USP54: variants seen among roughly 807,000 people sequenced by gnomAD.
The protein encoded by USP54 is ubiquitin specific peptidase 54, also known as ubiquitin carboxyl-terminal hydrolase 54.
USP54 carries 87 observed loss-of-function variants against 170.5 expected under a neutral mutation model. The ratio of observed to expected loss-of-function variants is 0.51; its 90% CI spans 0.43 to 0.61. The LOEUF is 0.61. USP54 is among the 20% of genes least tolerant of loss of function. The pLI, the probability that USP54 is intolerant of heterozygous loss-of-function variation, is 0.00. For missense variants in USP54, 1,786 were observed against 2,047.8 expected (o/e 0.87, Z 2.47); for synonymous variants, 655 against 742.8 (o/e 0.88, Z 1.92).
intron 22 of USP54, among the ~76,000 whole-genome samples, chr10:73,502,332 G>C (rs377476887): frequency 1.3e-5 from 2 of 151,418 alleles, no homozygotes; most frequent in African/African-American, 4.8e-5. Context: ...TTTTTGAGAC[G>C]GAGTCTCGCT....
chr10:73,545,785 C>T, intron 4 of USP54, 113 bp from the exon 5 acceptor site: 1 of 1,269,846 alleles, frequency 7.9e-7, no homozygotes, highest in Non-Finnish European at 1.1e-6. Flanking sequence ...ACCAAATGTG[C>T]TTCCCATGGG....
intron 1 of USP54, among the ~76,000 whole-genome samples, chr10:73,601,568 C>A (rs2079170577): frequency 6.6e-6 from 1 of 151,974 alleles, no homozygotes; most frequent in African/African-American, 2.4e-5. Flanking sequence ...CTGCTTCTCC[C>A]AGCTGCAGGA....
At chr10:73,613,546 A>G (rs1444332050) in intron 1 of USP54, among the ~76,000 whole-genome samples, 3 of 152,138 alleles carry the variant, frequency 2.0e-5, no homozygotes, top group Non-Finnish European at 4.4e-5. Context: ...CATATGCCAA[A>G]ACAGAGATAG....
intron 4 of USP54, among the ~76,000 whole-genome samples, chr10:73,549,291 C>T (rs1173174409): frequency 1.3e-5 from 2 of 152,188 alleles, no homozygotes; most frequent in African/African-American, 4.8e-5. Context: ...CAAAATTACA[C>T]TAACAGCCCA....
At chr10:73,576,767 A>C (rs1233463112) in intron 1 of USP54, among the ~76,000 whole-genome samples, 4 of 152,248 alleles carry the variant, frequency 2.6e-5, no homozygotes, top group Non-Finnish European at 5.9e-5. Context: ...TTTTCCATGA[A>C]TATGCTTATG....
At chr10:73,582,538 T>C (rs1394665307) in intron 1 of USP54, among the ~76,000 whole-genome samples, 2 of 152,088 alleles carry the variant, frequency 1.3e-5, no homozygotes, top group East Asian at 3.9e-4. Flanking sequence ...ATTACAGGCA[T>C]GCGCCACCAT....
rs1311713324 is a variant in USP54, at chr10:73,576,334, G to A, written c.-554C>T. ...AGCAAGTCTCTCCTCTTTCTTCTGG[G>A]ACTAGAATAGCCAGCTGTGTCAGAG... On this transcript the variant is annotated 5_prime_UTR_variant, in exon 2 of 24. Transcript: ENST00000687698. 2 of 151,936 alleles carry A rather than the reference G, an allele frequency of 1.3e-5. No individual in the cohort carries two copies. Among genetic ancestry groups the A allele is most frequent in the Non-Finnish European group, 2.9e-5 (2 of 68,016 alleles). 9.4% of individuals were successfully genotyped at this position (151,936 alleles called of 1,614,324 possible).
intron 1 of USP54, chr10:73,613,905 G>T (rs778686357): frequency 6.6e-6 from 1 of 150,844 alleles, no homozygotes; most frequent in African/African-American, 2.4e-5. Flanking sequence ...AAACACAGAA[G>T]AAAAAATTAT....
intron 22 of USP54, chr10:73,504,272 G>A (rs963263407): frequency 1.3e-5 from 2 of 153,440 alleles, no homozygotes; most frequent in East Asian, 3.8e-4. Context: ...ATTCTCCAAA[G>A]GTATGATTAC....
At chr10:73,524,127 C>T (rs374426081) in intron 16 of USP54, among the ~76,000 whole-genome samples, 12 of 149,442 alleles carry the variant, frequency 8.0e-5, no homozygotes, top group East Asian at 6.0e-4. Context: ...AGGCTGGTCT[C>T]GAACTCCTGA....
intron 16 of USP54, among the ~76,000 whole-genome samples, chr10:73,524,187 G>C (rs1018326945): frequency 6.6e-6 from 1 of 151,422 alleles, no homozygotes; most frequent in Non-Finnish European, 1.5e-5. Context: ...ATTACATACA[G>C]GTGTGAGCCA....
chr10:73,541,930 A>C, intron 7 of USP54, 192 bp from the exon 8 acceptor site: 1 of 588,696 alleles, frequency 1.7e-6, no homozygotes, highest in Non-Finnish European at 3.0e-6. Context: ...AGCTCATAGA[A>C]TCCCCACTCC....
chr10:73,595,809 A>G (rs1379040331), upstream of USP54, among the ~76,000 whole-genome samples: 2 of 152,170 alleles, frequency 1.3e-5, no homozygotes, highest in Non-Finnish European at 2.9e-5. Flanking sequence ...CCTAAATGCT[A>G]GTCTTACAGA....
At chr10:73,564,908 A>AC (rs906991990) in intron 4 of USP54, among the ~76,000 whole-genome samples, 4 of 139,612 alleles carry the variant, frequency 2.9e-5, no homozygotes, top group African/African-American at 1.0e-4. Context: ...TACCAAAAAA[A>AC]AAAAAAAAAA....
At chr10:73,598,904 G>A (rs376120983) in intron 1 of USP54, among the ~76,000 whole-genome samples, 5 of 151,418 alleles carry the variant, frequency 3.3e-5, no homozygotes, top group African/African-American at 1.2e-4. Flanking sequence ...TGGCGACAGA[G>A]AGAGACTCTG....
At position 73,500,760 on chromosome 10, in the gene USP54, G is replaced by C; in HGVS notation, c.4390C>G (p.Pro1464Ala). ...SSSSLPVIHD[P>A]SVFLLGPQLY... ...TGGGGACCGAGGAGAAACACAGAAG[G>C]GTCATGGATGACAGGGAGGGAAGAG... Residue 1464 changes from proline to alanine, a missense_variant, in exon 23 of 24, where the codon CCT (proline) becomes GCT (alanine). Around this residue, in one of 3 missense-constraint regions of USP54, gnomAD observed 1,418 missense variants for 1,569.0 expected, o/e 0.90. Transcript: ENST00000687698. 2 of 1,602,352 alleles carry C rather than the reference G, an allele frequency of 1.2e-6. No individual in the cohort carries two copies. Among genetic ancestry groups the C allele is most frequent in the Non-Finnish European group, 1.7e-6 (2 of 1,175,838 alleles).
chr10:73,566,873 T>G (rs950416156), intron 4 of USP54, among the ~76,000 whole-genome samples: 1 of 152,036 alleles, frequency 6.6e-6, no homozygotes, highest in Non-Finnish European at 1.5e-5. Context: ...CTTTCTTTTG[T>G]TTTTTTGTTT....
At chr10:73,564,449 C>T (rs2073829641) in intron 4 of USP54, among the ~76,000 whole-genome samples, 1 of 152,112 alleles carries the variant, frequency 6.6e-6, no homozygotes. Flanking sequence ...TAGCAAGTTT[C>T]CTATATGACT....
At chr10:73,523,135 G>A (rs1284240451) in intron 17 of USP54, among the ~76,000 whole-genome samples, 2 of 152,148 alleles carry the variant, frequency 1.3e-5, no homozygotes, top group African/African-American at 4.8e-5. Flanking sequence ...CAATTGTCAT[G>A]GTATCAAAAG....
Sources: allele counts gnomAD v4.1 joint callset (sites outside exome capture counted in the v4.1 genomes callset), GRCh38; gene constraint gnomAD v4.1.1; regional missense constraint gnomAD v4.1.1; transcripts MANE v1.5; gene names NCBI Gene and HGNC (gene_info 2026-07-23, HGNC 2026-07-21).